The following LHFPL6 variants were observed in gnomAD, a reference collection of about 807,000 sequenced individuals.
LHFPL6 encodes LHFPL tetraspan subfamily member 6.
Under a neutral mutation model 20.6 loss-of-function variants are expected in LHFPL6, and 9 were observed. The ratio of observed to expected loss-of-function variants is 0.44; its 90% CI spans 0.26 to 0.76. The LOEUF (loss-of-function observed/expected upper bound fraction) is 0.76. Ranked by LOEUF, LHFPL6 falls within the 30% of genes least tolerant of loss-of-function variation. The pLI, the probability that LHFPL6 is intolerant of heterozygous loss-of-function variation, is 0.20. For missense variants in LHFPL6, 218 were observed against 253.5 expected, an observed-to-expected ratio of 0.86 and a Z score of 0.95; for synonymous variants, 105 against 98.7, an observed-to-expected ratio of 1.06 and a Z score of -0.38.
intron 2 of LHFPL6, among the ~76,000 whole-genome samples, 159 bp from the exon 3 acceptor site, chr13:39,378,685 C>T (rs935618342): frequency 5.3e-5 from 8 of 152,126 alleles, no homozygotes; most frequent in Admixed American, 5.2e-4. Context: ...CAGTTTGACT[C>T]CAACAACAAT....
intron 2 of LHFPL6, among the ~76,000 whole-genome samples, chr13:39,541,094 G>A (rs1045051392): frequency 4.6e-4 from 70 of 152,172 alleles, no homozygotes; most frequent in Admixed American, 1.3e-4. Context: ...TGTAGCCAGT[G>A]TTTTGTTAAT....
intron 2 of LHFPL6, among the ~76,000 whole-genome samples, chr13:39,544,328 C>T (rs532376496): frequency 2.0e-4 from 30 of 152,276 alleles, no homozygotes; most frequent in African/African-American, 7.0e-4. Flanking sequence ...AATTCATGAG[C>T]AGGAAATTAG....
chr13:39,474,361 A>G (rs1873026671), intron 2 of LHFPL6, among the ~76,000 whole-genome samples: 1 of 152,108 alleles, frequency 6.6e-6, no homozygotes, highest in South Asian at 2.1e-4. Context: ...TTATTTTTCC[A>G]TTTTCTTTGA....
At chr13:39,362,007 T>G (rs1179454412) in intron 3 of LHFPL6, among the ~76,000 whole-genome samples, 2 of 152,248 alleles carry the variant, frequency 1.3e-5, no homozygotes, top group Non-Finnish European at 2.9e-5. Context: ...ATAGGACTTC[T>G]TTGTATTATT....
At chr13:39,495,809 A>ATTTTTTT (rs1869082904) in intron 2 of LHFPL6, among the ~76,000 whole-genome samples, 1 of 84,048 alleles carries the variant, frequency 1.2e-5, no homozygotes. Context: ...TTTTTTAGTA[A>ATTTTTTT]TTCACCAGAT....
chr13:39,539,824 G>T (rs1870740111), intron 2 of LHFPL6, among the ~76,000 whole-genome samples: 1 of 152,174 alleles, frequency 6.6e-6, no homozygotes, highest in South Asian at 2.1e-4. Flanking sequence ...GATTAATTAA[G>T]TTGCCCCTTT....
At chr13:39,519,541 G>T (rs1482264407) in intron 2 of LHFPL6, among the ~76,000 whole-genome samples, 1 of 152,136 alleles carries the variant, frequency 6.6e-6, no homozygotes, top group East Asian at 1.9e-4. Flanking sequence ...TTAGACCAGG[G>T]AAATGATCTA....
At chr13:39,439,020 C>T (rs895456339) in intron 2 of LHFPL6, among the ~76,000 whole-genome samples, 1 of 152,114 alleles carries the variant, frequency 6.6e-6, no homozygotes, top group Admixed American at 6.5e-5. Flanking sequence ...GAAAAGAGGG[C>T]CACCATCCTC....
intron 2 of LHFPL6, among the ~76,000 whole-genome samples, chr13:39,411,206 C>T (rs1161570744): frequency 6.6e-6 from 1 of 152,192 alleles, no homozygotes; most frequent in African/African-American, 2.4e-5. Flanking sequence ...CAAAAGGCCA[C>T]ACTCCAGGGT....
At chr13:39,524,998 A>C (rs961924625) in intron 2 of LHFPL6, among the ~76,000 whole-genome samples, 2 of 152,224 alleles carry the variant, frequency 1.3e-5, no homozygotes, top group African/African-American at 4.8e-5. Flanking sequence ...CTGATGAAAA[A>C]ATGGCAAGAA....
chr13:39,520,766 A>G (rs947893360), intron 2 of LHFPL6, among the ~76,000 whole-genome samples: 8 of 152,206 alleles, frequency 5.3e-5, no homozygotes, highest in African/African-American at 1.4e-4. Flanking sequence ...CCTGAGGTAC[A>G]AGCAGTCTCT....
Position 39,343,876 on chromosome 13 carries a change from T to C in LHFPL6, c.*60A>G. On this transcript the variant is annotated 3_prime_UTR_variant, in exon 4 of 4. Coordinates refer to ENST00000379589, the MANE Select transcript of LHFPL6 (RefSeq NM_005780.3). ...CACCTTTTGAAGGTAGGTGGATGTT[T>C]TGACCTCTCCAAGCCCCTTTGGCCC... The C allele has an allele frequency of 1.6e-6, 2 of 1,286,992 alleles. No individual in the cohort carries two copies. Among genetic ancestry groups the C allele is most frequent in the Non-Finnish European group, 2.2e-6 (2 of 895,300 alleles). 79.7% of individuals were successfully genotyped at this position (1,286,992 alleles called of 1,614,324 possible).
At chr13:39,439,453 C>T (rs1872054743) in intron 2 of LHFPL6, among the ~76,000 whole-genome samples, 2 of 151,994 alleles carry the variant, frequency 1.3e-5, no homozygotes, top group South Asian at 4.1e-4. Flanking sequence ...TGAGTTAATG[C>T]TGGAATGAGT....
chr13:39,516,833 C>A (rs1869937382), intron 2 of LHFPL6, among the ~76,000 whole-genome samples: 1 of 152,208 alleles, frequency 6.6e-6, no homozygotes, highest in South Asian at 2.1e-4. Context: ...AGTCAAAACA[C>A]AAAGCAAACA....
At chr13:39,390,396 G>A (rs994941052) in intron 2 of LHFPL6, among the ~76,000 whole-genome samples, 3 of 152,130 alleles carry the variant, frequency 2.0e-5, no homozygotes, top group African/African-American at 7.2e-5. Flanking sequence ...TACTAAGGTG[G>A]CTGAGGCAGG....
chr13:39,356,987 T>C (rs1869742515), intron 3 of LHFPL6, among the ~76,000 whole-genome samples: 1 of 152,142 alleles, frequency 6.6e-6, no homozygotes, highest in Non-Finnish European at 1.5e-5. Flanking sequence ...TTGAGCAACA[T>C]GGTGAAACCC....
intron 2 of LHFPL6, among the ~76,000 whole-genome samples, chr13:39,464,282 C>A (rs1872749925): frequency 6.6e-6 from 1 of 152,100 alleles, no homozygotes; most frequent in Non-Finnish European, 1.5e-5. Flanking sequence ...TAAATCTTTC[C>A]AATGATAATT....
At chr13:39,355,143 A>T (rs912398257) in intron 3 of LHFPL6, among the ~76,000 whole-genome samples, 7 of 150,958 alleles carry the variant, frequency 4.6e-5, no homozygotes, top group African/African-American at 1.7e-4. Flanking sequence ...GCCATTACAT[A>T]AAAGGGTCAG....
At position 39,421,761 on chromosome 13, in the gene LHFPL6, G is replaced by A. The variant is rs201513676; in HGVS notation, c.386-43235C>T. 6.6e-5 allele frequency among the ~76,000 whole-genome samples: 10 copies of A among 152,090 alleles called. No homozygotes were observed. The South Asian group carries it at 1.7e-3, about 25-fold the overall frequency. On this transcript the variant is annotated intron_variant, in intron 2 of 3. Transcript: ENST00000379589. Reference sequence around the variant, plus strand: ...ATAAAAGGATATTGGGGAGAGGATGGAAAAGGCTGAAAAATGGTTTCAGAC... The same window carrying A: ...ATAAAAGGATATTGGGGAGAGGATGAAAAAGGCTGAAAAATGGTTTCAGAC...
Sources: gnomAD v4.1 joint callset for allele counts (sites outside exome capture counted in the v4.1 genomes callset) on GRCh38, gnomAD v4.1.1 for gene constraint, MANE v1.5 for transcripts, NCBI Gene and HGNC (gene_info 2026-07-23, HGNC 2026-07-21) for gene names.